MYO3A: variants seen among roughly 807,000 people sequenced by gnomAD.
MYO3A encodes the protein myosin IIIA.
A neutral mutation model predicts 192.7 loss-of-function variants in MYO3A; 180 were observed. That is an observed-to-expected ratio of 0.93 (90% CI 0.83 to 1.06). MYO3A has a LOEUF of 1.06. Among genes scored for constraint, MYO3A ranks in the 50% least tolerant of loss-of-function variants. MYO3A has a pLI of 0.00. For synonymous variants in MYO3A, 628 were observed against 645.3 expected, an observed-to-expected ratio of 0.97 and a Z score of 0.41; for missense variants, 1,896 against 1,905.0, an observed-to-expected ratio of 1.00 and a Z score of 0.09.
In MYO3A at chr10:26,069,072, G is replaced by C. The variant is rs7095515; in HGVS notation, c.1170+188G>C. Among the ~76,000 whole-genome samples the C allele has an allele frequency of 0.48, 72,131 of 151,852 alleles. 17,928 individuals carry two copies. Among genetic ancestry groups the C allele is most frequent in the Middle Eastern group, 0.59 (173 of 294 alleles). ...CAATCTGGGTGCAGTTTGTGGTCTT[G>C]CTTTCTCCAAATGCGTGTGCCAGAG... On this transcript the variant is annotated intron_variant, in intron 12 of 34. Coordinates refer to ENST00000642920, the MANE Select transcript of MYO3A (RefSeq NM_017433.5).
At chr10:26,024,354 G>A (rs1842446359) in intron 9 of MYO3A, among the ~76,000 whole-genome samples, 1 of 151,982 alleles carries the variant, frequency 6.6e-6, no homozygotes, top group African/African-American at 2.4e-5. Flanking sequence ...CCTGTGTTTT[G>A]CCTATGGGTG....
intron 4 of MYO3A, among the ~76,000 whole-genome samples, chr10:25,992,483 T>G (rs1490306128): frequency 1.3e-5 from 2 of 152,250 alleles, no homozygotes; most frequent in Non-Finnish European, 1.5e-5. Flanking sequence ...TCTTCTTTCC[T>G]AATTGAATAC....
At chr10:26,073,954 G>A (rs1366969346) in intron 14 of MYO3A, among the ~76,000 whole-genome samples, 2 of 152,044 alleles carry the variant, frequency 1.3e-5, no homozygotes, top group Admixed American at 6.6e-5. Flanking sequence ...AGTATAAAGG[G>A]TGACTCTTAC....
intron 5 of MYO3A, 25 bp from the exon 6 acceptor site, chr10:25,997,134 T>G (rs1264987260): frequency 1.3e-6 from 2 of 1,563,310 alleles, no homozygotes; most frequent in Admixed American, 3.3e-5. Context: ...TTGTTAAGAG[T>G]CATTATATAT....
rs1840039823 is a variant in MYO3A, at chr10:26,139,610, GGC to G, written c.2263-3837_2263-3836del. Reference sequence around the variant, plus strand: ...TTCAAGCTTTCAAAAATCCATCTATGGCCAGGTACGGTGGCTCATGCCTATAA... The same window carrying G: ...TTCAAGCTTTCAAAAATCCATCTATGCAGGTACGGTGGCTCATGCCTATAA... On this transcript the variant is annotated intron_variant, in intron 20 of 34. Transcript: ENST00000642920. 5.3e-5 allele frequency among the ~76,000 whole-genome samples: 8 copies of G among 152,292 alleles called. No individual in the cohort carries two copies. The South Asian group carries it at 1.7e-3, about 32-fold the overall frequency.
chr10:25,962,351 T>C (rs924897100), intron 4 of MYO3A, among the ~76,000 whole-genome samples: 4 of 152,312 alleles, frequency 2.6e-5, no homozygotes, highest in African/African-American at 9.6e-5. Flanking sequence ...ATTTTGAGAA[T>C]CTAAATGGTA....
chr10:25,934,654 G>C (rs1162847656), intron 1 of MYO3A, among the ~76,000 whole-genome samples: 1 of 151,666 alleles, frequency 6.6e-6, no homozygotes, highest in Admixed American at 6.6e-5. Context: ...ACGGGGGCGG[G>C]GGTGAACTCG....
intron 10 of MYO3A, among the ~76,000 whole-genome samples, chr10:26,028,589 G>A (rs1398005848): frequency 6.6e-6 from 1 of 152,158 alleles, no homozygotes; most frequent in East Asian, 1.9e-4. Flanking sequence ...AAAATAAACA[G>A]AAATTGAAGT....
intron 31 of MYO3A, among the ~76,000 whole-genome samples, chr10:26,187,238 T>A (rs548942493): frequency 5.6e-4 from 83 of 148,968 alleles, no homozygotes; most frequent in African/African-American, 1.9e-3. Flanking sequence ...TTCCACTATT[T>A]AAAAAAAAAA....
intron 34 of MYO3A, among the ~76,000 whole-genome samples, chr10:26,209,901 C>A: frequency 6.6e-6 from 1 of 152,028 alleles, no homozygotes; most frequent in East Asian, 1.9e-4. Flanking sequence ...TCAAGACCAG[C>A]CGGGGTAACA....
At chr10:26,050,643 T>G (rs565639091) in intron 10 of MYO3A, among the ~76,000 whole-genome samples, 1 of 152,214 alleles carries the variant, frequency 6.6e-6, no homozygotes, top group Non-Finnish European at 1.5e-5. Flanking sequence ...AACACAGATA[T>G]CAGATTTATT....
At chr10:26,111,954 T>C (rs1358738215) in intron 17 of MYO3A, among the ~76,000 whole-genome samples, 1 of 152,194 alleles carries the variant, frequency 6.6e-6, no homozygotes, top group Non-Finnish European at 1.5e-5. Flanking sequence ...CATTCACTTT[T>C]TCAGAGTTTG....
At chr10:26,107,856 A>G (rs541230606) in intron 17 of MYO3A, among the ~76,000 whole-genome samples, 1 of 152,206 alleles carries the variant, frequency 6.6e-6, no homozygotes, top group Non-Finnish European at 1.5e-5. Flanking sequence ...GCATTTACCC[A>G]TCCGATAAAT....
At chr10:26,127,331 C>T (rs1033249596) in intron 19 of MYO3A, among the ~76,000 whole-genome samples, 1 of 152,072 alleles carries the variant, frequency 6.6e-6, no homozygotes. Flanking sequence ...AAATATTTAT[C>T]TCTGTGGGAT....
In MYO3A at chr10:25,968,708, T is replaced by C. The variant is rs149437438; in HGVS notation, c.303+13700T>C. ...CCTGTGGTCAACCACTGTTTGAAAA[T>C]ATTAAATGGGAAATTCCAGAAATAA... is the stretch of plus-strand genomic sequence containing the variant. On this transcript the variant is annotated intron_variant, in intron 4 of 34. Coordinates refer to ENST00000642920, the MANE Select transcript of MYO3A (RefSeq NM_017433.5). Among the ~76,000 whole-genome samples, 321 of 152,340 alleles carry C rather than the reference T, an allele frequency of 2.1e-3. 1 individual carries two copies. The highest frequency in any genetic ancestry group is 3.6e-3 in the Non-Finnish European group (245 of 68,028).
At chr10:26,116,732 A>G (rs1002266712) in intron 17 of MYO3A, among the ~76,000 whole-genome samples, 3 of 152,122 alleles carry the variant, frequency 2.0e-5, no homozygotes, top group East Asian at 1.9e-4. Flanking sequence ...AGGTTTCTCA[A>G]CCTCAGTACT....
intron 4 of MYO3A, among the ~76,000 whole-genome samples, chr10:25,989,873 G>A (rs1839902267): frequency 6.6e-6 from 1 of 152,110 alleles, no homozygotes; most frequent in South Asian, 2.1e-4. Flanking sequence ...GTATGTCAGG[G>A]TGATGGGCAG....
chr10:25,939,742 C>T (rs937615036), intron 2 of MYO3A, among the ~76,000 whole-genome samples: 7 of 151,632 alleles, frequency 4.6e-5, no homozygotes, highest in African/African-American at 1.5e-4. Flanking sequence ...CCATTAAATT[C>T]TCCTTGTTAA....
At chr10:25,981,054 C>T (rs1188754132) in intron 4 of MYO3A, among the ~76,000 whole-genome samples, 2 of 152,128 alleles carry the variant, frequency 1.3e-5, no homozygotes, top group African/African-American at 4.8e-5. Context: ...ATTATCTCCA[C>T]TTTTGCCTTT....
Sources: gnomAD v4.1 joint callset for allele counts (sites outside exome capture counted in the v4.1 genomes callset) on GRCh38, gnomAD v4.1.1 for gene constraint, MANE v1.5 for transcripts, NCBI Gene and HGNC (gene_info 2026-07-23, HGNC 2026-07-21) for gene names.